The following SPATC1 variants were observed in gnomAD, a reference collection of about 807,000 sequenced individuals.
SPATC1 encodes the protein spermatogenesis and centriole associated 1.
A neutral mutation model predicts 36.5 loss-of-function variants in SPATC1; 35 were observed. The observed-to-expected ratio is 0.96, with a 90% CI of 0.73 to 1.27. SPATC1 has a LOEUF of 1.27. Ranked by LOEUF, SPATC1 falls within the 50% of genes most tolerant of loss-of-function variation. The pLI is 0.00. For missense variants in SPATC1, 779 were observed against 796.0 expected, an observed-to-expected ratio of 0.98 and a Z score of 0.26; for synonymous variants, 361 against 353.6, an observed-to-expected ratio of 1.02 and a Z score of -0.24.
At chr8:144,044,322 G>C (rs2129680736) in intron 4 of SPATC1, among the ~76,000 whole-genome samples, 1 of 146,992 alleles carries the variant, frequency 6.8e-6, no homozygotes, top group East Asian at 2.0e-4. Flanking sequence ...TTTTTTTTGA[G>C]ATGGAGTCTC....
At chr8:144,018,707 C>G (rs890993485) in intron 1 of SPATC1, among the ~76,000 whole-genome samples, 6 of 151,602 alleles carry the variant, frequency 4.0e-5, no homozygotes, top group Admixed American at 3.3e-4. Flanking sequence ...TCTCTGAGAG[C>G]AAGGATGGAG....
Position 144,016,866 on chromosome 8 carries a change from C to T in SPATC1, c.211+4140C>T, listed in dbSNP as rs1389650807. ...TGGTCTCATGTCGGCCTCAAACTCC[C>T]GACTTCAGGTGATCCGCCCACCTTG... On this transcript the variant is annotated intron_variant, in intron 1 of 4. Coordinates refer to ENST00000377470, the MANE Select transcript of SPATC1 (RefSeq NM_198572.3). The surrounding 1 kb of genome is among the most constrained non-coding windows in gnomAD (Gnocchi z 4.5). Among the ~76,000 whole-genome samples the T allele has an allele frequency of 2.0e-5, 3 of 152,226 alleles. No homozygotes were observed. The highest frequency in any genetic ancestry group is 4.4e-5 in the Non-Finnish European group (3 of 68,002).
rs1422671744 is a variant in SPATC1 at position 144,046,176 on chromosome 8, C to T, written c.1447-451C>T. Among the ~76,000 whole-genome samples the T allele has an allele frequency of 1.3e-5, 2 of 152,070 alleles. No individual in the cohort carries two copies. The highest frequency in any genetic ancestry group is 2.9e-5 in the Non-Finnish European group (2 of 67,980). ...GAGGCCAGGGTAAGGAAGGGGGTGG[C>T]CTTCAGACGCTGAAAGGGAGCAGAG... On this transcript the variant is annotated intron_variant, in intron 4 of 4. Coordinates refer to ENST00000377470, the MANE Select transcript of SPATC1 (RefSeq NM_198572.3). The surrounding 1 kb of genome is among the most constrained non-coding windows in gnomAD (Gnocchi z 6.6).
At chr8:144,031,723 C>CT (rs1240016643) in intron 1 of SPATC1, among the ~76,000 whole-genome samples, 6,506 of 129,000 alleles carry the variant, frequency 0.05, 216 homozygotes, top group Non-Finnish European at 0.07. Flanking sequence ...TTCTTTCTTT[C>CT]TTTTTTTTTT....
chr8:144,041,354 C>A lies in SPATC1; in HGVS notation c.1429C>A (p.Pro477Thr), dbSNP rs1554756053. ...CTACGGCTTCACTGTCTCCAACATCCCAGAGAAGATCATCCAGGTGTGCGG... is the reference window on the plus strand; with the variant it reads ...CTACGGCTTCACTGTCTCCAACATCACAGAGAAGATCATCCAGGTGTGCGG... ...RLYGFTVSNI[P>T]EKIIQASLNP... Residue 477 changes from proline (P) to threonine (T), a missense_variant, in exon 4 of 5, where the codon CCA becomes ACA. By Grantham distance (38) the Pro-to-Thr change is conservative (BLOSUM62 -1). Transcript: ENST00000377470. 1 of 1,610,528 alleles carries A rather than the reference C, an allele frequency of 6.2e-7. No individual in the cohort carries two copies. The highest frequency in any genetic ancestry group is 1.7e-5 in the Admixed American group (1 of 60,028).
At chr8:144,020,482 C>T (rs1474490202) in intron 1 of SPATC1, among the ~76,000 whole-genome samples, 1 of 140,332 alleles carries the variant, frequency 7.1e-6, no homozygotes, top group Admixed American at 7.0e-5. Context: ...CCTCAGGACT[C>T]TCTTCTCTGA....
In SPATC1 at chr8:144,045,712, C is replaced by A. The variant is rs1003153986; in HGVS notation, c.1447-915C>A. ...GAGCGGGCAGGGCCAAGCCTGGAGGCAGGGGCAGCTGCACCTGTGACAGGC... is the reference window on the plus strand; with the variant it reads ...GAGCGGGCAGGGCCAAGCCTGGAGGAAGGGGCAGCTGCACCTGTGACAGGC... On this transcript the variant is annotated intron_variant, in intron 4 of 4. Transcript: ENST00000377470. The surrounding 1 kb of genome is among the most constrained non-coding windows in gnomAD (Gnocchi z 5.2). Among the ~76,000 whole-genome samples the A allele has an allele frequency of 8.5e-5, 13 of 152,224 alleles. No homozygotes were observed. Among genetic ancestry groups the A allele is most frequent in the Non-Finnish European group, 1.3e-4 (9 of 68,044 alleles).
intron 1 of SPATC1, 104 bp downstream of exon 1, chr8:144,012,830 C>T (rs556693042): frequency 1.3e-4 from 151 of 1,204,232 alleles, no homozygotes; most frequent in Admixed American, 3.3e-4. Context: ...AGGGAGTGCC[C>T]TTCTCCTTGC....
At chr8:144,037,823 A>T (rs1287199347) in intron 1 of SPATC1, among the ~76,000 whole-genome samples, 4 of 134,052 alleles carry the variant, frequency 3.0e-5, no homozygotes, top group East Asian at 2.0e-4. Flanking sequence ...TAGATTAATT[A>T]AAAAAAAAAA....
At chr8:144,041,899 G>A (rs868933662) in intron 4 of SPATC1, 9 of 969,788 alleles carry the variant, frequency 9.3e-6, no homozygotes, top group South Asian at 9.5e-5. Context: ...TGTGAGCTGC[G>A]TGGGTCCAGG....
At chr8:144,015,787 T>G (rs1446421062) in intron 1 of SPATC1, among the ~76,000 whole-genome samples, 2 of 128,552 alleles carry the variant, frequency 1.6e-5, no homozygotes, top group South Asian at 2.5e-4. Context: ...TAGGTTGGGC[T>G]TGGTGGCTCA....
At chr8:144,014,442 G>A (rs1213419773) in intron 1 of SPATC1, among the ~76,000 whole-genome samples, 2 of 149,022 alleles carry the variant, frequency 1.3e-5, no homozygotes. Flanking sequence ...GAAGGAAGAA[G>A]AAGAAGAAGA....
chr8:144,020,932 C>A (rs1350978121), intron 1 of SPATC1, among the ~76,000 whole-genome samples: 1 of 142,772 alleles, frequency 7.0e-6, no homozygotes, highest in East Asian at 2.2e-4. Flanking sequence ...CCTCAGGACC[C>A]CCTCACCTTA....
At chr8:144,022,513 G>C (rs1337793314) in intron 1 of SPATC1, among the ~76,000 whole-genome samples, 1 of 20,280 alleles carries the variant, frequency 4.9e-5, no homozygotes. Context: ...CCCCCCTCAG[G>C]AAGCTCTTCT....
chr8:144,026,483 G>A (rs1834680180), intron 1 of SPATC1, among the ~76,000 whole-genome samples: 1 of 152,118 alleles, frequency 6.6e-6, no homozygotes, highest in East Asian at 1.9e-4. Flanking sequence ...GAATTACTGG[G>A]TCATATGGTA....
rs1554755703 is a variant in SPATC1 at position 144,040,548 on chromosome 8, T to C, written c.767-20T>C. On this transcript the variant is annotated intron_variant, in intron 2 of 4. Transcript: ENST00000377470. ...ACTCTAATCCCCCTTTTTTTATTTC[T>C]GTTCCCTCCACATCACTAGTCCCAC... The C allele has an allele frequency of 6.4e-7, 1 of 1,566,262 alleles. No individual in the cohort carries two copies. The highest frequency in any genetic ancestry group is 1.2e-5 in the South Asian group (1 of 83,498).
chr8:144,021,655 T>TC (rs1834539125), intron 1 of SPATC1, among the ~76,000 whole-genome samples: 1 of 126,108 alleles, frequency 7.9e-6, no homozygotes, highest in Admixed American at 7.7e-5. Context: ...CTCAAGATCC[T>TC]CCCCCCTCAG....
intron 4 of SPATC1, chr8:144,042,151 C>T (rs1835118831): frequency 2.7e-6 from 1 of 374,984 alleles, no homozygotes; most frequent in Non-Finnish European, 3.7e-6. Flanking sequence ...TTCTGCTGCC[C>T]CAGCCTCTTT....
chr8:144,038,124 TCA>T (rs1834962793), intron 1 of SPATC1, among the ~76,000 whole-genome samples: 1 of 109,614 alleles, frequency 9.1e-6, no homozygotes. Context: ...AGACTCTGTC[TCA>T]AAAAAAAAAA....
Sources: gnomAD v4.1 joint callset for allele counts (sites outside exome capture counted in the v4.1 genomes callset) on GRCh38, gnomAD v4.1.1 for gene constraint, Gnocchi (gnomAD v3.1) non-coding constraint, MANE v1.5 for transcripts, NCBI Gene and HGNC (gene_info 2026-07-23, HGNC 2026-07-21) for gene names.